The following TMEM67 variants were observed in gnomAD, a reference collection of about 807,000 sequenced individuals.
The protein encoded by TMEM67 is meckelin.
Under a neutral mutation model 136.6 loss-of-function variants are expected in TMEM67, and 124 were observed. The ratio of observed to expected loss-of-function variants is 0.91; its 90% CI spans 0.78 to 1.05. TMEM67 has a LOEUF of 1.05. Ranked by LOEUF, TMEM67 falls within the 50% of genes least tolerant of loss-of-function variation. The probability of loss-of-function intolerance (pLI) is 0.00; values close to 1 mark genes in which losing one functional copy is unlikely to be tolerated. For missense variants in TMEM67, 1,107 were observed against 1,178.4 expected, an observed-to-expected ratio of 0.94 and a Z score of 0.89; for synonymous variants, 364 against 390.5, an observed-to-expected ratio of 0.93 and a Z score of 0.80.
downstream of TMEM67, among the ~76,000 whole-genome samples, chr8:93,822,442 T>A (rs927999391): frequency 2.0e-5 from 3 of 152,230 alleles, no homozygotes; most frequent in Non-Finnish European, 4.4e-5. Context: ...CTATCCTGAA[T>A]CTTAAAGACA....
At chr8:93,814,662 T>C (rs1007063666) in intron 26 of TMEM67, among the ~76,000 whole-genome samples, 3 of 150,798 alleles carry the variant, frequency 2.0e-5, no homozygotes, top group Non-Finnish European at 4.4e-5. Context: ...CTTTTTTTTT[T>C]TTTTTGTAGA....
chr8:93,824,507 T>C, the TMEM67 span, among the ~76,000 whole-genome samples: 1 of 152,038 alleles, frequency 6.6e-6, no homozygotes. Context: ...TTCTGTCTGC[T>C]CTCCTCGGTT....
the TMEM67 span, among the ~76,000 whole-genome samples, chr8:93,829,865 A>G: frequency 3.3e-5 from 5 of 152,176 alleles, no homozygotes; most frequent in African/African-American, 1.2e-4. Flanking sequence ...CTCAGAAAAT[A>G]GAATCTTTCT....
chr8:93,763,694 T>C (rs1812951268), intron 3 of TMEM67, 148 bp from the exon 4 acceptor site: 1 of 634,382 alleles, frequency 1.6e-6, no homozygotes, highest in Non-Finnish European at 2.8e-6. Flanking sequence ...ATTATGGAGA[T>C]ACTTGTTATG....
At chr8:93,810,395 A>G (rs1808656167) in intron 26 of TMEM67, among the ~76,000 whole-genome samples, 1 of 151,800 alleles carries the variant, frequency 6.6e-6, no homozygotes, top group South Asian at 2.1e-4. Context: ...AGCCTGGCCA[A>G]CATGGTGAAA....
At chr8:93,773,838 CTA>C (rs1358523269) in intron 7 of TMEM67, among the ~76,000 whole-genome samples, 1 of 151,978 alleles carries the variant, frequency 6.6e-6, no homozygotes, top group Non-Finnish European at 1.5e-5. Context: ...TAATGTCATG[CTA>C]TGAGTTTTTC....
chr8:93,755,080 G>T lies in TMEM67; in HGVS notation c.166G>T (p.Asp56Tyr), dbSNP rs2130522683. Residue 56 changes from aspartate to tyrosine, a missense_variant, in exon 1 of 28, where the codon GAT becomes TAT. Asp to Tyr is a radical substitution (Grantham distance 160). Transcript: ENST00000453321. ...PEKCDNNQYF[D>Y]ISALSCVPCG... ...GAAGTGCGACAACAACCAGTACTTT[G>T]ATATCTCCGCCCTCTCGTGTGTTCC... The T allele has an allele frequency of 6.2e-7, 1 of 1,614,156 alleles. No homozygotes were observed. The highest frequency in any genetic ancestry group is 1.1e-5 in the South Asian group (1 of 91,076).
chr8:93,768,566 C>T (rs1339270982), intron 6 of TMEM67, among the ~76,000 whole-genome samples: 6 of 151,942 alleles, frequency 3.9e-5, no homozygotes, highest in Non-Finnish European at 8.8e-5. Flanking sequence ...GCCAAGATCG[C>T]GCCACTGCAC....
intron 3 of TMEM67, chr8:93,759,952 C>G (rs1812752470): frequency 6.5e-7 from 1 of 1,535,890 alleles, no homozygotes; most frequent in African/African-American, 1.4e-5. Context: ...CTGACCTTGG[C>G]ATGTACTTTA....
At chr8:93,804,296 T>C (rs1336508594) in intron 22 of TMEM67, among the ~76,000 whole-genome samples, 1 of 110,900 alleles carries the variant, frequency 9.0e-6, no homozygotes, top group African/African-American at 3.1e-5. Flanking sequence ...TTCTTTTCTT[T>C]TCTCTTTTCT....
chr8:93,790,266 A>T (rs1225146937), intron 14 of TMEM67, among the ~76,000 whole-genome samples: 1 of 152,130 alleles, frequency 6.6e-6, no homozygotes, highest in East Asian at 1.9e-4. Context: ...TCTAATATGA[A>T]TTCCTTAAGA....
chr8:93,785,588 A>G (rs1586049919), intron 12 of TMEM67: 4 of 528,864 alleles, frequency 7.6e-6, no homozygotes, highest in South Asian at 2.6e-5. Context: ...TTGTTAAGAA[A>G]TTATACTGTT....
chr8:93,795,815 AAAAAACAAAAAC>A (rs1173810796), intron 17 of TMEM67, 74 bp from the exon 18 acceptor site: 2 of 1,181,732 alleles, frequency 1.7e-6, no homozygotes, highest in African/African-American at 3.1e-5. Flanking sequence ...CTTTCCCAAA[AAAAAACAAAAAC>A]GAAAACAAAA....
intron 7 of TMEM67, among the ~76,000 whole-genome samples, chr8:93,775,223 G>C (rs2130635185): frequency 6.6e-6 from 1 of 152,098 alleles, no homozygotes; most frequent in African/African-American, 2.4e-5. Flanking sequence ...TTGTAAATTT[G>C]TTTAAGTTCT....
chr8:93,791,269 T>C lies in TMEM67; in HGVS notation c.1525T>C (p.Phe509Leu). The C allele has an allele frequency of 6.2e-7, 1 of 1,602,302 alleles. No homozygotes were observed. The highest frequency in any genetic ancestry group is 8.5e-7 in the Non-Finnish European group (1 of 1,170,018). The stretch of plus-strand genomic sequence containing the variant: ...GTTTTGTTTTAAATATCAGGTTTCT[T>C]TCTCAGTCACATATGAAATGGATCA... Reference protein sequence around the residue: ...DANSQSVKVSFSVTYEMDHGE... With the variant: ...DANSQSVKVSLSVTYEMDHGE... Residue 509 changes from phenylalanine to leucine, a missense_variant, in exon 15 of 28, where the codon TTC (phenylalanine) becomes CTC (leucine). Coordinates refer to ENST00000453321, the MANE Select transcript of TMEM67 (RefSeq NM_153704.6).
chr8:93,801,438 G>C (rs1814866717), intron 21 of TMEM67, among the ~76,000 whole-genome samples: 3 of 137,658 alleles, frequency 2.2e-5, no homozygotes. Context: ...TTTCACTCTT[G>C]TTGCCCAGGC....
chr8:93,793,787 A>G (rs1814490169), intron 16 of TMEM67, among the ~76,000 whole-genome samples: 2 of 152,302 alleles, frequency 1.3e-5, no homozygotes, highest in Admixed American at 6.5e-5. Context: ...CTGATGTTGA[A>G]ATATATGACC....
chr8:93,804,879 G>T lies in TMEM67; in HGVS notation c.2439+1G>T. 1 of 1,491,574 alleles carries T rather than the reference G, an allele frequency of 6.7e-7. No homozygotes were observed. The highest frequency in any genetic ancestry group is 9.4e-7 in the Non-Finnish European group (1 of 1,068,772). The allele number at this position is 1,491,574 out of a possible 1,614,324, so 92.4% of individuals were successfully genotyped here. On this transcript the variant is annotated splice_donor_variant, in intron 23 of 27. Coordinates refer to ENST00000453321, the MANE Select transcript of TMEM67 (RefSeq NM_153704.6). LOFTEE classifies it high-confidence loss of function. ...GAATATGAACCTTAAAAGAGAAGCG[G>T]TATGAAAATGTTTTACATCTTTTTG...
At chr8:93,772,780 ACT>A in intron 7 of TMEM67, 129 bp downstream of exon 7, 1 of 668,266 alleles carries the variant, frequency 1.5e-6, no homozygotes, top group Non-Finnish European at 2.5e-6. Flanking sequence ...AGAAGAATAA[ACT>A]CTTTCTTGTG....
Sources: allele counts gnomAD v4.1 joint callset (sites outside exome capture counted in the v4.1 genomes callset), GRCh38; gene constraint gnomAD v4.1.1; transcripts MANE v1.5; gene names NCBI Gene and HGNC (gene_info 2026-07-23, HGNC 2026-07-21).